Variants in SLC9A8 observed in about 807,000 individuals in gnomAD.
SLC9A8 encodes the protein sodium/hydrogen exchanger 8.
A neutral mutation model predicts 66.6 loss-of-function variants in SLC9A8; 48 were observed. The observed-to-expected ratio is 0.72, with a 90% CI of 0.57 to 0.92. SLC9A8 has a LOEUF of 0.92. Ranked by LOEUF, SLC9A8 falls within the 40% of genes least tolerant of loss-of-function variation. The pLI is 0.00. For synonymous variants in SLC9A8, 274 were observed against 282.6 expected, an observed-to-expected ratio of 0.97 and a Z score of 0.31; for missense variants, 599 against 747.3, an observed-to-expected ratio of 0.80 and a Z score of 2.31.
intron 2 of SLC9A8, among the ~76,000 whole-genome samples, chr20:49,815,819 G>C (rs2086529858): frequency 6.6e-6 from 1 of 152,170 alleles, no homozygotes; most frequent in African/African-American, 2.4e-5. Context: ...ACCTGTGCAG[G>C]GGATGAAGGA....
intron 10 of SLC9A8, among the ~76,000 whole-genome samples, chr20:49,873,314 C>G (rs1232523866): frequency 1.4e-4 from 21 of 151,806 alleles, no homozygotes; most frequent in Non-Finnish European, 1.5e-5. Flanking sequence ...GAAACCCCAT[C>G]TCTACAAAAA....
intron 10 of SLC9A8, among the ~76,000 whole-genome samples, chr20:49,868,867 G>C (rs2089081514): frequency 6.6e-6 from 1 of 152,238 alleles, no homozygotes; most frequent in Non-Finnish European, 1.5e-5. Flanking sequence ...GTCTCAATAT[G>C]ATGAATTAAT....
At chr20:49,853,194 A>G (rs1444971808) in intron 7 of SLC9A8, among the ~76,000 whole-genome samples, 1 of 152,190 alleles carries the variant, frequency 6.6e-6, no homozygotes, top group African/African-American at 2.4e-5. Flanking sequence ...CTGAGGCTGG[A>G]GTATAGTGGC....
chr20:49,839,733 T>C (rs2087687306), intron 4 of SLC9A8, 134 bp downstream of exon 4: 1 of 474,978 alleles, frequency 2.1e-6, no homozygotes, highest in South Asian at 4.0e-5. Flanking sequence ...AATTTTTTTA[T>C]TAGATACAGG....
chr20:49,834,732 G>T (rs537348500), intron 3 of SLC9A8, among the ~76,000 whole-genome samples: 1 of 151,934 alleles, frequency 6.6e-6, no homozygotes, highest in African/African-American at 2.4e-5. Context: ...AAAGACGCAG[G>T]CTTGGGCAAT....
chr20:49,834,181 CTCTCTATATATATA>C (rs1205038488), intron 3 of SLC9A8, among the ~76,000 whole-genome samples: 2,678 of 46,068 alleles, frequency 0.058, 64 homozygotes, highest in Non-Finnish European at 0.081. Context: ...CTCTCTCTCT[CTCTCTATATATATA>C]TATATATATA....
Position 49,889,142 on chromosome 20 carries a change from G to A in SLC9A8, c.*1206G>A, listed in dbSNP as rs1217057942. 6.6e-6 allele frequency: 1 copy of A among 152,348 alleles called. No homozygotes were observed. The highest frequency in any genetic ancestry group is 2.4e-5 in the African/African-American group (1 of 41,462). 9.4% of individuals were successfully genotyped at this position (152,348 alleles called of 1,614,324 possible). A position where few individuals can be genotyped will look rare whatever the true frequency, so the allele number is the denominator to read the frequency against. On this transcript the variant is annotated 3_prime_UTR_variant, in exon 16 of 16. Coordinates refer to ENST00000361573, the MANE Select transcript of SLC9A8 (RefSeq NM_015266.3). ...GCTGCCAGTCATGTCCAGATGGAATGACTCCCATCCTCTCCTCATCTCCCC... is the reference window on the plus strand; with the variant it reads ...GCTGCCAGTCATGTCCAGATGGAATAACTCCCATCCTCTCCTCATCTCCCC...
At chr20:49,849,722 C>T in intron 6 of SLC9A8, 42 bp downstream of exon 6, 1 of 1,486,586 alleles carries the variant, frequency 6.7e-7, no homozygotes, top group Non-Finnish European at 9.4e-7. Context: ...GTCTTACATT[C>T]TTAGAGCTAG....
chr20:49,852,401 A>C (rs990741873), intron 7 of SLC9A8, among the ~76,000 whole-genome samples: 2 of 152,188 alleles, frequency 1.3e-5, no homozygotes, highest in Non-Finnish European at 2.9e-5. Context: ...TACCATGCAG[A>C]CCAAACATGA....
intron 10 of SLC9A8, among the ~76,000 whole-genome samples, chr20:49,870,428 G>C (rs911498632): frequency 1.3e-5 from 2 of 152,180 alleles, no homozygotes; most frequent in Non-Finnish European, 2.9e-5. Context: ...AGCCAGCCCA[G>C]GGACGCTCTA....
Position 49,853,064 on chromosome 20 carries a change from G to A in SLC9A8, c.569+2220G>A, listed in dbSNP as rs530231328. 3.9e-5 allele frequency among the ~76,000 whole-genome samples: 6 copies of A among 152,260 alleles called. No homozygotes were observed. The East Asian group carries it at 1.2e-3, about 29-fold the overall frequency. On this transcript the variant is annotated intron_variant, in intron 7 of 15. Coordinates refer to ENST00000361573, the MANE Select transcript of SLC9A8 (RefSeq NM_015266.3). ...GAAAAATTTTAAACATACAGAAAAGGTGAAGCATTGTGAAGTGAATACCCA... is the reference window on the plus strand; with the variant it reads ...GAAAAATTTTAAACATACAGAAAAGATGAAGCATTGTGAAGTGAATACCCA...
At position 49,849,561 on chromosome 20, in the gene SLC9A8, T is replaced by A. The variant is rs749558605; in HGVS notation, c.433-18T>A. 18 of 1,588,534 alleles carry A rather than the reference T, an allele frequency of 1.1e-5. No individual in the cohort carries two copies. The Admixed American group carries it at 2.5e-4, about 22-fold the overall frequency. On this transcript the variant is annotated intron_variant, in intron 5 of 15. Transcript: ENST00000361573. The stretch of plus-strand genomic sequence containing the variant: ...TGGCTTTTCTAATCATTTCCCTGAT[T>A]TCTGCTCTTTCAAACAGGGTAACTT...
chr20:49,853,986 C>T (rs1483515628), intron 7 of SLC9A8, among the ~76,000 whole-genome samples: 2 of 152,190 alleles, frequency 1.3e-5, no homozygotes, highest in South Asian at 2.1e-4. Context: ...CAAAAGATCA[C>T]CCATTGAAGG....
At chr20:49,881,538 G>T (rs1198649530) in intron 13 of SLC9A8, among the ~76,000 whole-genome samples, 1 of 152,058 alleles carries the variant, frequency 6.6e-6, no homozygotes, top group Non-Finnish European at 1.5e-5. Context: ...ATACATCTTT[G>T]CTTCTAAAGA....
At chr20:49,827,036 G>C (rs1037428238) in intron 3 of SLC9A8, among the ~76,000 whole-genome samples, 1 of 151,362 alleles carries the variant, frequency 6.6e-6, no homozygotes, top group Non-Finnish European at 1.5e-5. Flanking sequence ...CCGCCCCCTG[G>C]GTTCAAGCGA....
intron 3 of SLC9A8, among the ~76,000 whole-genome samples, chr20:49,824,322 C>G (rs2086843754): frequency 6.6e-6 from 1 of 152,206 alleles, no homozygotes; most frequent in South Asian, 2.1e-4. Context: ...TAGATTCTAA[C>G]AACCTTAGCT....
In SLC9A8 at chr20:49,877,126, G is replaced by GA. The variant is rs113268405; in HGVS notation, c.1076-836dup. Reference sequence around the variant, plus strand: ...AACACAGTGAAACCCTGTCTCTACTGAAAAAAAAAAAAAAAAAAATAGCTG... The same window carrying GA: ...AACACAGTGAAACCCTGTCTCTACTGAAAAAAAAAAAAAAAAAAAATAGCTG... On this transcript the variant is annotated intron_variant, in intron 11 of 15. Transcript: ENST00000361573. 2.6e-3 allele frequency among the ~76,000 whole-genome samples: 290 copies of GA among 112,142 alleles called. 1 individual carries two copies. Among genetic ancestry groups the GA allele is most frequent in the South Asian group, 5.5e-3 (18 of 3,244 alleles). The allele number at this position is 112,142 out of a possible 152,430, so 73.6% of individuals were successfully genotyped here.
At position 49,887,941 on chromosome 20, in the gene SLC9A8, A is replaced by G; in HGVS notation, c.*5A>G. 1 of 1,609,896 alleles carries G rather than the reference A, an allele frequency of 6.2e-7. No individual in the cohort carries two copies. Among genetic ancestry groups the G allele is most frequent in the South Asian group, 1.1e-5 (1 of 90,944 alleles). On this transcript the variant is annotated 3_prime_UTR_variant, in exon 16 of 16. Transcript: ENST00000361573. ...GACGAGCAGGAGCTGCTCTGACGCCAGGTGCCAAGGCTTCAGGCAGGCAGG... is the reference window on the plus strand; with the variant it reads ...GACGAGCAGGAGCTGCTCTGACGCCGGGTGCCAAGGCTTCAGGCAGGCAGG...
At chr20:49,853,413 A>AT (rs1180360295) in intron 7 of SLC9A8, among the ~76,000 whole-genome samples, 1 of 152,210 alleles carries the variant, frequency 6.6e-6, no homozygotes, top group Non-Finnish European at 1.5e-5. Flanking sequence ...AAGTGTTGGG[A>AT]TTACAGGCGT....
Sources: gnomAD v4.1 joint callset for allele counts (sites outside exome capture counted in the v4.1 genomes callset) on GRCh38, gnomAD v4.1.1 for gene constraint, MANE v1.5 for transcripts, NCBI Gene and HGNC (gene_info 2026-07-23, HGNC 2026-07-21) for gene names.